Variants in CADPS2 observed in about 807,000 individuals in gnomAD.
CADPS2 encodes calcium-dependent secretion activator 2.
A neutral mutation model predicts 172.5 loss-of-function variants in CADPS2; 93 were observed. The ratio of observed to expected loss-of-function variants is 0.54; its 90% confidence interval spans 0.46 to 0.64. CADPS2 has a LOEUF of 0.64. Among genes scored for constraint, CADPS2 ranks in the 30% least tolerant of loss-of-function variants. The pLI is 0.00. For missense variants in CADPS2, 1,420 were observed against 1,565.9 expected (o/e 0.91, Z 1.57); for synonymous variants, 546 against 555.2 (o/e 0.98, Z 0.23).
At chr7:122,616,070 T>C (rs74830437) in intron 5 of CADPS2, among the ~76,000 whole-genome samples, 28,263 of 152,054 alleles carry the variant, frequency 0.19, 3,507 homozygotes, top group Non-Finnish European at 0.28. Context: ...CTTAAAACAC[T>C]GTAACCTATC....
At chr7:122,434,302 C>T (rs2050363523) in intron 17 of CADPS2, among the ~76,000 whole-genome samples, 1 of 151,704 alleles carries the variant, frequency 6.6e-6, no homozygotes, top group Non-Finnish European at 1.5e-5. Flanking sequence ...TGTTTTGTTC[C>T]TGTCACTTTC....
At chr7:122,747,215 C>A (rs2092755796) in intron 1 of CADPS2, among the ~76,000 whole-genome samples, 1 of 152,044 alleles carries the variant, frequency 6.6e-6, no homozygotes, top group Non-Finnish European at 1.5e-5. Context: ...CCCCAACACC[C>A]AGCCACCCAC....
intron 22 of CADPS2, among the ~76,000 whole-genome samples, chr7:122,390,369 T>C (rs114171061): frequency 0.013 from 1,938 of 152,190 alleles, 36 homozygotes; most frequent in African/African-American, 0.044. Flanking sequence ...ACATCCACAG[T>C]GTACAGCTTG....
chr7:122,418,605 C>G (rs779438605), intron 17 of CADPS2, among the ~76,000 whole-genome samples: 34 of 151,968 alleles, frequency 2.2e-4, no homozygotes, highest in Non-Finnish European at 4.3e-4. Context: ...TTTAGTAGAA[C>G]AGTGAACTAT....
chr7:122,429,233 A>C (rs2049570451), intron 17 of CADPS2, among the ~76,000 whole-genome samples: 1 of 151,338 alleles, frequency 6.6e-6, no homozygotes, highest in South Asian at 2.1e-4. Flanking sequence ...AATATTTTCC[A>C]AATAATACGT....
At chr7:122,822,419 CT>C (rs1803595145) in intron 1 of CADPS2, among the ~76,000 whole-genome samples, 2 of 152,208 alleles carry the variant, frequency 1.3e-5, no homozygotes, top group South Asian at 2.1e-4. Context: ...CACACCGCCC[CT>C]AATCCTGCTT....
intron 8 of CADPS2, among the ~76,000 whole-genome samples, chr7:122,517,586 A>G (rs929957828): frequency 5.9e-5 from 9 of 152,046 alleles, no homozygotes; most frequent in Non-Finnish European, 1.3e-4. Flanking sequence ...TATTAGGGGG[A>G]TGTAGTCATT....
chr7:122,626,849 A>G (rs1296435757), intron 4 of CADPS2, among the ~76,000 whole-genome samples: 3 of 152,224 alleles, frequency 2.0e-5, no homozygotes, highest in African/African-American at 7.2e-5. Context: ...GAAAATAGCT[A>G]TCATGAATTT....
At chr7:122,734,041 C>T (rs1347183940) in intron 2 of CADPS2, among the ~76,000 whole-genome samples, 3 of 151,916 alleles carry the variant, frequency 2.0e-5, no homozygotes, top group South Asian at 4.2e-4. Flanking sequence ...GTTGAAGCCC[C>T]ATTCTCAGAA....
chr7:122,533,603 G>C (rs2061970485), intron 8 of CADPS2, among the ~76,000 whole-genome samples: 1 of 152,092 alleles, frequency 6.6e-6, no homozygotes, highest in Admixed American at 6.6e-5. Flanking sequence ...GCTTCCTTAA[G>C]CACATGTATT....
chr7:122,529,855 A>T (rs1178164223), intron 8 of CADPS2, among the ~76,000 whole-genome samples: 1 of 152,130 alleles, frequency 6.6e-6, no homozygotes, highest in African/African-American at 2.4e-5. Context: ...ATACATAAAT[A>T]ATTGGAAAGT....
intron 3 of CADPS2, among the ~76,000 whole-genome samples, chr7:122,646,943 T>A (rs1175003311): frequency 6.6e-6 from 1 of 152,076 alleles, no homozygotes; most frequent in Non-Finnish European, 1.5e-5. Context: ...AACAGCAGTA[T>A]GGAGTAATTC....
chr7:122,524,285 T>C (rs2061034043), intron 8 of CADPS2, among the ~76,000 whole-genome samples: 1 of 152,218 alleles, frequency 6.6e-6, no homozygotes, highest in South Asian at 2.1e-4. Context: ...CAGGTAATCC[T>C]GAATTAACAC....
chr7:122,799,443 C>T (rs957056840), intron 1 of CADPS2, among the ~76,000 whole-genome samples: 33 of 151,562 alleles, frequency 2.2e-4, no homozygotes, highest in Non-Finnish European at 7.4e-5. Flanking sequence ...ACTAAAAATA[C>T]AAAAACAAAA....
At chr7:122,698,650 G>C (rs751695080) in intron 2 of CADPS2, 1 of 1,613,884 alleles carries the variant, frequency 6.2e-7, no homozygotes, top group Admixed American at 1.7e-5. Flanking sequence ...GCTGAAAATG[G>C]TATTGGGATT....
rs570779979 is a variant in CADPS2, at chr7:122,625,202, C to T, written c.868-3485G>A. ...AGTAGCTGGGATTACAGGCAGGCGCCACCACGCCCGGCTAATTTTGTATTT... is the reference window on the plus strand; with the variant it reads ...AGTAGCTGGGATTACAGGCAGGCGCTACCACGCCCGGCTAATTTTGTATTT... On this transcript the variant is annotated intron_variant, in intron 4 of 29. Coordinates refer to ENST00000449022, the MANE Select transcript of CADPS2 (RefSeq NM_017954.11). 5.9e-5 allele frequency among the ~76,000 whole-genome samples: 9 copies of T among 152,210 alleles called. 1 individual carries two copies. The highest frequency in any genetic ancestry group is 2.2e-4 in the African/African-American group (9 of 41,536).
intron 27 of CADPS2, among the ~76,000 whole-genome samples, chr7:122,347,315 T>C (rs970786029): frequency 6.6e-6 from 1 of 152,184 alleles, no homozygotes; most frequent in African/African-American, 2.4e-5. Context: ...ATATTTTATA[T>C]AACATAATAA....
At chr7:122,666,146 T>G (rs1414266408) in intron 2 of CADPS2, among the ~76,000 whole-genome samples, 1 of 152,164 alleles carries the variant, frequency 6.6e-6, no homozygotes, top group Non-Finnish European at 1.5e-5. Context: ...ATATTAGAAG[T>G]ATTTACACAT....
chr7:122,336,634 G>C (rs537681633), intron 28 of CADPS2, among the ~76,000 whole-genome samples: 3 of 152,312 alleles, frequency 2.0e-5, no homozygotes, highest in African/African-American at 7.2e-5. Context: ...AATTGGTAGA[G>C]AGAATATTCT....
Sources: gnomAD v4.1 joint callset for allele counts (sites outside exome capture counted in the v4.1 genomes callset) on GRCh38, gnomAD v4.1.1 for gene constraint, MANE v1.5 for transcripts, NCBI Gene and HGNC (gene_info 2026-07-23, HGNC 2026-07-21) for gene names.